The following ANK3 variants were observed in gnomAD, a reference collection of about 807,000 sequenced individuals.
ANK3 encodes ankyrin-3.
Under a neutral mutation model 370.9 loss-of-function variants are expected in ANK3, and 57 were observed. The observed-to-expected ratio is 0.15, with a 90% CI of 0.12 to 0.19. ANK3 has a LOEUF of 0.19. Among genes scored for constraint, ANK3 ranks in the 10% least tolerant of loss-of-function variants. The pLI is 1.00. For missense variants in ANK3, 4,439 were observed against 5,302.1 expected, an observed-to-expected ratio of 0.84 and a Z score of 5.06; for synonymous variants, 1,929 against 1,946.3, an observed-to-expected ratio of 0.99 and a Z score of 0.23.
intron 1 of ANK3, among the ~76,000 whole-genome samples, chr10:60,698,007 T>G (rs1181554541): frequency 1.3e-5 from 2 of 152,168 alleles, no homozygotes; most frequent in Non-Finnish European, 1.5e-5. Context: ...CCTACTCATC[T>G]GACAAAAGGC....
intron 2 of ANK3, among the ~76,000 whole-genome samples, chr10:60,523,851 T>G (rs907225352): frequency 6.6e-6 from 1 of 152,070 alleles, no homozygotes; most frequent in Non-Finnish European, 1.5e-5. Flanking sequence ...TCACTACCAT[T>G]AAAAAATAAA....
intron 1 of ANK3, among the ~76,000 whole-genome samples, chr10:60,664,891 T>C (rs1438254861): frequency 6.6e-6 from 1 of 152,226 alleles, no homozygotes; most frequent in African/African-American, 2.4e-5. Flanking sequence ...ATGTGAGGGA[T>C]TTAAATTGCT....
At chr10:60,097,478 C>T (rs946000679) in intron 28 of ANK3, among the ~76,000 whole-genome samples, 3 of 152,214 alleles carry the variant, frequency 2.0e-5, no homozygotes, top group Admixed American at 6.5e-5. Flanking sequence ...ATTTCTTAAG[C>T]ACCTTGTAAC....
At chr10:60,690,035 AG>A (rs1209899090) in intron 1 of ANK3, among the ~76,000 whole-genome samples, 1 of 152,232 alleles carries the variant, frequency 6.6e-6, no homozygotes, top group Non-Finnish European at 1.5e-5. Flanking sequence ...GTAAAGAGAA[AG>A]AAATCAGATT....
chr10:60,685,022 A>C lies in ANK3; in HGVS notation c.57+48241T>G, dbSNP rs2079249333. ...CAGCCTACCTGCGCAATCATAGGAGATGGCCTAAAGGAAGGACTTGAGAAA... is the reference window on the plus strand; with the variant it reads ...CAGCCTACCTGCGCAATCATAGGAGCTGGCCTAAAGGAAGGACTTGAGAAA... On this transcript the variant is annotated intron_variant, in intron 1 of 43. Transcript: ENST00000373827. The C allele has an allele frequency of 1.9e-6, 3 of 1,539,878 alleles. No individual in the cohort carries two copies. The African/African-American group carries it at 4.1e-5, about 21-fold the overall frequency.
At chr10:60,645,396 T>C (rs1297004585) in intron 1 of ANK3, among the ~76,000 whole-genome samples, 1 of 152,168 alleles carries the variant, frequency 6.6e-6, no homozygotes, top group African/African-American at 2.4e-5. Context: ...AGTAATTTAA[T>C]ATATAATCTA....
chr10:60,369,442 T>C (rs2059824042), intron 1 of ANK3, among the ~76,000 whole-genome samples: 1 of 152,196 alleles, frequency 6.6e-6, no homozygotes, highest in African/African-American at 2.4e-5. Context: ...ACTATGGGAC[T>C]TCCTAGTCCT....
At chr10:60,509,954 T>C (rs1222737088) in intron 2 of ANK3, among the ~76,000 whole-genome samples, 2 of 152,060 alleles carry the variant, frequency 1.3e-5, no homozygotes, top group African/African-American at 4.8e-5. Context: ...CATCCCCACA[T>C]GGAAGCAGTG....
intron 1 of ANK3, among the ~76,000 whole-genome samples, chr10:60,729,810 A>G (rs80273117): frequency 6.6e-6 from 1 of 152,200 alleles, no homozygotes; most frequent in Non-Finnish European, 1.5e-5. Flanking sequence ...ATCACACCAC[A>G]TGACACTTGG....
chr10:60,064,466 G>T (rs534904938), intron 38 of ANK3, among the ~76,000 whole-genome samples, 178 bp from the exon 39 acceptor site: 1 of 152,216 alleles, frequency 6.6e-6, no homozygotes, highest in East Asian at 1.9e-4. Context: ...CCATACACAG[G>T]CTGTGACTTA....
intron 2 of ANK3, among the ~76,000 whole-genome samples, chr10:60,540,829 C>G (rs780723160): frequency 2.0e-5 from 3 of 151,860 alleles, no homozygotes; most frequent in Admixed American, 1.3e-4. Context: ...AAGCCTGTCA[C>G]GACAGTGACA....
At chr10:60,314,331 C>G (rs1430275093) in intron 1 of ANK3, among the ~76,000 whole-genome samples, 1 of 152,120 alleles carries the variant, frequency 6.6e-6, no homozygotes, top group Non-Finnish European at 1.5e-5. Context: ...TGTAAAAAGT[C>G]ATTGTTATTC....
intron 7 of ANK3, among the ~76,000 whole-genome samples, chr10:60,237,628 A>G (rs1187306621): frequency 2.0e-5 from 3 of 150,820 alleles, no homozygotes; most frequent in Admixed American, 2.0e-4. Flanking sequence ...TAATTTTATT[A>G]TTATTATACT....
chr10:60,433,648 A>G (rs1265505429), intron 2 of ANK3, among the ~76,000 whole-genome samples: 1 of 152,190 alleles, frequency 6.6e-6, no homozygotes, highest in African/African-American at 2.4e-5. Flanking sequence ...TAAGTTGCCT[A>G]GGGATGACAA....
At chr10:60,466,030 G>C (rs2065005008) in intron 2 of ANK3, among the ~76,000 whole-genome samples, 1 of 152,004 alleles carries the variant, frequency 6.6e-6, no homozygotes, top group Non-Finnish European at 1.5e-5. Context: ...TTCTAGCCAA[G>C]AGCTCTTCCT....
intron 2 of ANK3, among the ~76,000 whole-genome samples, chr10:60,417,426 A>G (rs528203517): frequency 6.6e-6 from 1 of 152,280 alleles, no homozygotes; most frequent in Admixed American, 6.5e-5. Context: ...CTATCCAGCT[A>G]GTTTACTAGT....
At chr10:60,240,135 T>TATATATAC (rs1565915031) in intron 7 of ANK3, among the ~76,000 whole-genome samples, 2,530 of 122,246 alleles carry the variant, frequency 0.021, 77 homozygotes, top group African/African-American at 0.075. Flanking sequence ...TATATATACA[T>TATATATAC]ATATATACAC....
intron 1 of ANK3, among the ~76,000 whole-genome samples, chr10:60,665,123 T>C (rs2078980612): frequency 6.6e-6 from 1 of 152,130 alleles, no homozygotes; most frequent in South Asian, 2.1e-4. Flanking sequence ...TAGAAGTAGC[T>C]TAACGATGCG....
intron 16 of ANK3, among the ~76,000 whole-genome samples, chr10:60,190,339 A>G (rs2096453781): frequency 6.6e-6 from 1 of 152,178 alleles, no homozygotes; most frequent in Non-Finnish European, 1.5e-5. Context: ...CCACTGCCGG[A>G]ATTCAGGAAT....
Sources: allele counts gnomAD v4.1 joint callset (sites outside exome capture counted in the v4.1 genomes callset), GRCh38; gene constraint gnomAD v4.1.1; transcripts MANE v1.5; gene names NCBI Gene and HGNC (gene_info 2026-07-23, HGNC 2026-07-21).